PCDHA6: variants seen among roughly 807,000 people sequenced by gnomAD.
PCDHA6 encodes protocadherin alpha-6.
PCDHA6 carries 55 observed loss-of-function variants against 60.3 expected under a neutral mutation model. That is an observed-to-expected ratio of 0.91 (90% confidence interval 0.73 to 1.14). The LOEUF is 1.14. Among genes scored for constraint, PCDHA6 ranks in the 50% most tolerant of loss-of-function variants. The pLI is 0.00. For synonymous variants in PCDHA6, 652 were observed against 557.9 expected (o/e 1.17, Z -2.38); for missense variants, 1,327 against 1,256.5 (o/e 1.06, Z -0.85).
At chr5:140,836,729 T>C in intron 1 of PCDHA6, 2 of 1,610,386 alleles carry the variant, frequency 1.2e-6, no homozygotes, top group Non-Finnish European at 1.7e-6. Context: ...GTCCATCCTC[T>C]ACAGACAATG....
chr5:140,961,704 C>T (rs1381981839), intron 1 of PCDHA6, among the ~76,000 whole-genome samples: 1 of 152,086 alleles, frequency 6.6e-6, no homozygotes, highest in African/African-American at 2.4e-5. Flanking sequence ...GTATGAATGC[C>T]TTCATTTCTA....
At chr5:140,891,128 C>G (rs1554184692) in intron 1 of PCDHA6, among the ~76,000 whole-genome samples, 1 of 152,100 alleles carries the variant, frequency 6.6e-6, no homozygotes, top group Non-Finnish European at 1.5e-5. Flanking sequence ...AAATGTCATT[C>G]CTTTAAAGGT....
rs190155701 is a variant in PCDHA6, at chr5:140,878,924, A to G, written c.2394+48439A>G. Among the ~76,000 whole-genome samples, 11 of 152,344 alleles carry G rather than the reference A, an allele frequency of 7.2e-5. No homozygotes were observed. The East Asian group carries it at 2.1e-3, about 29-fold the overall frequency. ...GCTCCACCACTCCCAGCTTCAATCA[A>G]TAATTTTAAATAAATATATGGTATT... On this transcript the variant is annotated intron_variant, in intron 1 of 3. Transcript: ENST00000529310.
At chr5:140,880,403 T>C (rs1474959731) in intron 1 of PCDHA6, among the ~76,000 whole-genome samples, 1 of 152,186 alleles carries the variant, frequency 6.6e-6, no homozygotes, top group Non-Finnish European at 1.5e-5. Flanking sequence ...GAGCATATGG[T>C]TGACCTTAAA....
chr5:140,848,734 A>G lies in PCDHA6; in HGVS notation c.2394+18249A>G, dbSNP rs199690069. The G allele has an allele frequency of 6.3e-7, 1 of 1,592,886 alleles. No homozygotes were observed. Among genetic ancestry groups the G allele is most frequent in the Non-Finnish European group, 8.6e-7 (1 of 1,163,642 alleles). The stretch of plus-strand genomic sequence containing the variant: ...GGGGACCTTCTGGAGGTAAATCTGC[A>G]GAATGGCATTTTGTTTGTGAATTCT... On this transcript the variant is annotated intron_variant, in intron 1 of 3. Transcript: ENST00000529310.
rs2150239032 is a variant in PCDHA6 at position 140,835,597 on chromosome 5, A to G, written c.2394+5112A>G. The G allele has an allele frequency of 3.1e-6, 5 of 1,613,762 alleles. No individual in the cohort carries two copies. Among genetic ancestry groups the G allele is most frequent in the East Asian group, 2.2e-5 (1 of 44,812 alleles). On this transcript the variant is annotated intron_variant, in intron 1 of 3. Coordinates refer to ENST00000529310, the MANE Select transcript of PCDHA6 (RefSeq NM_018909.4). ...TTGGTGTCCACCTTCAAGAATTACT[A>G]TTCATTGGTGCTGGACAGCGCTCTG...
Position 140,830,285 on chromosome 5 carries a change from T to A in PCDHA6, c.2194T>A (p.Cys732Ser). 1 of 1,613,564 alleles carries A rather than the reference T, an allele frequency of 6.2e-7. No homozygotes were observed. Among genetic ancestry groups the A allele is most frequent in the Non-Finnish European group, 8.5e-7 (1 of 1,179,790 alleles). Reference sequence around the variant, plus strand: ...CTCGGCGCCACCCACCGAGGGCGCGTGCACGGCGGACAAGCCCACGCTGGT... The same window carrying A: ...CTCGGCGCCACCCACCGAGGGCGCGAGCACGGCGGACAAGCCCACGCTGGT... ...RCSAPPTEGA[C>S]TADKPTLVCS... Residue 732 changes from cysteine (C) to serine (S), a missense_variant, in exon 1 of 4, where the codon TGC becomes AGC. Coordinates refer to ENST00000529310, the MANE Select transcript of PCDHA6 (RefSeq NM_018909.4).
At chr5:140,868,877 C>A in intron 1 of PCDHA6, 1 of 684,342 alleles carries the variant, frequency 1.5e-6, no homozygotes, top group Non-Finnish European at 2.3e-6. Flanking sequence ...GCACAGTACT[C>A]ACAGTTTTAG....
chr5:140,884,285 G>A, intron 1 of PCDHA6: 1 of 1,613,598 alleles, frequency 6.2e-7, no homozygotes. Flanking sequence ...GGTGGAGAGC[G>A]GCCAAGCGCC....
At chr5:140,993,523 C>CAG (rs111789518) in intron 3 of PCDHA6, among the ~76,000 whole-genome samples, 24 of 145,748 alleles carry the variant, frequency 1.6e-4, no homozygotes, top group African/African-American at 5.0e-4. Flanking sequence ...GAGAGAGAGA[C>CAG]AGAGAGAGAG....
At chr5:140,883,455 A>T in intron 1 of PCDHA6, 1 of 1,614,128 alleles carries the variant, frequency 6.2e-7, no homozygotes, top group East Asian at 2.2e-5. Flanking sequence ...GTCCCCTTCA[A>T]GCTGGTGTCC....
intron 1 of PCDHA6, among the ~76,000 whole-genome samples, chr5:140,941,216 T>TTTCTTTCTTTCTTTCTTTC (rs2092891567): frequency 8.0e-6 from 1 of 124,950 alleles, no homozygotes; most frequent in East Asian, 2.2e-4. Context: ...TCTTTCTTCC[T>TTTCTTTCTTTCTTTCTTTC]TTCTTTCTTT....
chr5:140,885,053 A>T (rs2060447405), intron 1 of PCDHA6, among the ~76,000 whole-genome samples: 1 of 152,248 alleles, frequency 6.6e-6, no homozygotes, highest in African/African-American at 2.4e-5. Flanking sequence ...ATGTATACAT[A>T]TACCCACAAG....
intron 1 of PCDHA6, among the ~76,000 whole-genome samples, chr5:140,943,311 T>C (rs1281237979): frequency 1.3e-5 from 2 of 150,340 alleles, no homozygotes. Flanking sequence ...AAGTCATTAT[T>C]AGCAATATTG....
At chr5:140,871,141 C>A (rs1431247385) in intron 1 of PCDHA6, 2 of 1,613,438 alleles carry the variant, frequency 1.2e-6, no homozygotes, top group Non-Finnish European at 1.7e-6. Context: ...GGCCTCTTCC[C>A]GGACTTTGGC....
At chr5:140,850,674 C>T in intron 1 of PCDHA6, 1 of 1,598,338 alleles carries the variant, frequency 6.3e-7, no homozygotes, top group Non-Finnish European at 8.6e-7. Context: ...CTCGGCGATG[C>T]CCACCGAGGG....
chr5:140,870,345 C>T (rs782253040), intron 1 of PCDHA6: 7 of 1,614,066 alleles, frequency 4.3e-6, no homozygotes, highest in South Asian at 2.2e-5. Flanking sequence ...CCCTGGACCG[C>T]GAGAACGTGT....
At chr5:140,884,166 C>G (rs1554181300) in intron 1 of PCDHA6, 2 of 1,613,430 alleles carry the variant, frequency 1.2e-6, no homozygotes, top group Non-Finnish European at 8.5e-7. Flanking sequence ...GAGATCAGCA[C>G]GACGCGCCCT....
In PCDHA6 at chr5:141,010,605, A is replaced by G. The variant is rs2098417765; in HGVS notation, c.*668A>G. ...AAAGTCTGTTGGCTGTGACGTCATT[A>G]TACCTAAAATCTGCATCATACCTGC... On this transcript the variant is annotated 3_prime_UTR_variant, in exon 4 of 4. Transcript: ENST00000529310. 1 of 206,202 alleles carries G rather than the reference A, an allele frequency of 4.8e-6. No individual in the cohort carries two copies. Among genetic ancestry groups the G allele is most frequent in the Non-Finnish European group, 9.9e-6 (1 of 101,122 alleles). 12.8% of individuals were successfully genotyped at this position (206,202 alleles called of 1,614,324 possible). A position where few individuals can be genotyped will look rare whatever the true frequency, so the allele number is the denominator to read the frequency against.
Sources: allele counts gnomAD v4.1 joint callset (sites outside exome capture counted in the v4.1 genomes callset), GRCh38; gene constraint gnomAD v4.1.1; transcripts MANE v1.5; gene names NCBI Gene and HGNC (gene_info 2026-07-23, HGNC 2026-07-21).